SSH1: variants seen among roughly 807,000 people sequenced by gnomAD.
The protein encoded by SSH1 is protein phosphatase Slingshot homolog 1.
A neutral mutation model predicts 79.7 loss-of-function variants in SSH1; 43 were observed. That is an observed-to-expected ratio of 0.54 (90% CI 0.42 to 0.70). The LOEUF (loss-of-function observed/expected upper bound fraction) is 0.70. Among genes scored for constraint, SSH1 ranks in the 30% least tolerant of loss-of-function variants. SSH1 has a pLI of 0.00. For synonymous variants in SSH1, 599 were observed against 538.3 expected (o/e 1.11, Z -1.56); for missense variants, 1,206 against 1,358.8 (o/e 0.89, Z 1.77).
intron 3 of SSH1, among the ~76,000 whole-genome samples, chr12:108,822,337 T>C (rs1300160423): frequency 2.0e-5 from 3 of 152,122 alleles, no homozygotes; most frequent in African/African-American, 2.4e-5. Context: ...TTTCACTGTG[T>C]TGTTCGGGTT....
At position 108,789,091 on chromosome 12, in the gene SSH1, G is replaced by C; in HGVS notation, c.2047C>G (p.Leu683Val). Residue 683 changes from leucine (L) to valine (V), a missense_variant, in exon 15 of 15, where the codon CTA becomes GTA. Physicochemically the swap from Leu to Val is conservative, Grantham distance 32. Around this residue, in one of 5 missense-constraint regions of SSH1, gnomAD observed 709 missense variants for 730.6 expected, o/e 0.97. Coordinates refer to ENST00000326495, the MANE Select transcript of SSH1 (RefSeq NM_018984.4). ...APAICTQPAF[L>V]PHITSSPVAH... Reference sequence around the variant, plus strand: ...ACAGGGGAGGACGTGATGTGGGGTAGGAAGGCTGGCTGGGTGCAGATGGCG... The same window carrying C: ...ACAGGGGAGGACGTGATGTGGGGTACGAAGGCTGGCTGGGTGCAGATGGCG... 1 of 1,613,738 alleles carries C rather than the reference G, an allele frequency of 6.2e-7. No homozygotes were observed. Among genetic ancestry groups the C allele is most frequent in the South Asian group, 1.1e-5 (1 of 91,076 alleles).
intron 2 of SSH1, chr12:108,827,377 C>CCTA (rs2038351966): frequency 6.6e-7 from 1 of 1,525,098 alleles, no homozygotes; most frequent in Non-Finnish European, 8.8e-7. Flanking sequence ...TCTAACGCTC[C>CCTA]CTACAACTGC....
Position 108,811,664 on chromosome 12 carries a change from C to G in SSH1, c.402-336G>C, listed in dbSNP as rs996180754. The stretch of plus-strand genomic sequence containing the variant: ...ACATAGGCAAGCACCGGCAGCCAAG[C>G]CCGGCCTGGCCTGTCCTGGGTGGCG... On this transcript the variant is annotated intron_variant, in intron 5 of 14. Coordinates refer to ENST00000326495, the MANE Select transcript of SSH1 (RefSeq NM_018984.4). 5 of 400,492 alleles carry G rather than the reference C, an allele frequency of 1.2e-5. No homozygotes were observed. In the Admixed American group the frequency reaches 1.4e-4, roughly 12 times the overall value. 24.8% of individuals were successfully genotyped at this position (400,492 alleles called of 1,614,324 possible).
chr12:108,789,842 A>C (rs2036428069), intron 14 of SSH1, among the ~76,000 whole-genome samples: 1 of 152,146 alleles, frequency 6.6e-6, no homozygotes, highest in Admixed American at 6.5e-5. Flanking sequence ...GCAGGAGGGC[A>C]ACAGGGCTCT....
Position 108,780,961 on chromosome 12 carries a change from C to T in SSH1, c.*7027G>A, listed in dbSNP as rs988091602. 6.6e-6 allele frequency: 1 copy of T among 151,870 alleles called. No homozygotes were observed. The highest frequency in any genetic ancestry group is 1.5e-5 in the Non-Finnish European group (1 of 67,984). The allele number at this position is 151,870 out of a possible 1,614,324, so 9.4% of individuals were successfully genotyped here. A position where few individuals can be genotyped will look rare whatever the true frequency, so the allele number is the denominator to read the frequency against. On this transcript the variant is annotated 3_prime_UTR_variant, in exon 15 of 15. Coordinates refer to ENST00000326495, the MANE Select transcript of SSH1 (RefSeq NM_018984.4). ...GCTGAGGCAGGAAAATCACTTGAAC[C>T]CAGGAGGCAGAGGTTGCGGTGAGCT... is the stretch of plus-strand genomic sequence containing the variant.
At chr12:108,856,480 G>A (rs1295543094) in intron 1 of SSH1, among the ~76,000 whole-genome samples, 1 of 152,214 alleles carries the variant, frequency 6.6e-6, no homozygotes, top group Admixed American at 6.5e-5. Flanking sequence ...CACCCAGAAT[G>A]GGTCACAGCC....
At chr12:108,829,976 T>C (rs763165259) in intron 2 of SSH1, among the ~76,000 whole-genome samples, 7 of 152,066 alleles carry the variant, frequency 4.6e-5, no homozygotes, top group Non-Finnish European at 7.4e-5. Flanking sequence ...CTTGGTGGTG[T>C]GTGCCTGTAG....
chr12:108,806,605 G>A (rs896620384), intron 8 of SSH1, among the ~76,000 whole-genome samples: 4 of 152,210 alleles, frequency 2.6e-5, no homozygotes, highest in Non-Finnish European at 5.9e-5. Flanking sequence ...AGAGCAGGGA[G>A]CAGGTCAAGC....
chr12:108,778,760 C>T lies in SSH1; in HGVS notation c.*9228G>A, dbSNP rs1198017021. ...AGGTCTACCACCACCACCACCACCA[C>T]CACCACAATGTACCATTTGTGGGAT... On this transcript the variant is annotated 3_prime_UTR_variant, in exon 15 of 15. Coordinates refer to ENST00000326495, the MANE Select transcript of SSH1 (RefSeq NM_018984.4). The T allele has an allele frequency of 6.5e-6, 1 of 153,568 alleles. No homozygotes were observed. The highest frequency in any genetic ancestry group is 2.4e-5 in the African/African-American group (1 of 41,494). 9.5% of individuals were successfully genotyped at this position (153,568 alleles called of 1,614,324 possible).
chr12:108,836,254 G>GATGCACGTGTGTGTGT (rs2038627685), intron 2 of SSH1, among the ~76,000 whole-genome samples: 1 of 152,014 alleles, frequency 6.6e-6, no homozygotes, highest in Admixed American at 6.6e-5. Context: ...AATAAATATA[G>GATGCACGTGTGTGTGT]ATGCACGTGT....
intron 1 of SSH1, among the ~76,000 whole-genome samples, chr12:108,856,824 GA>G (rs2039153854): frequency 6.6e-6 from 1 of 152,214 alleles, no homozygotes; most frequent in Admixed American, 6.5e-5. Flanking sequence ...ACAGGTCTCA[GA>G]ACCAGCGGCT....
intron 1 of SSH1, among the ~76,000 whole-genome samples, chr12:108,855,406 G>A (rs765267284): frequency 7.2e-5 from 11 of 152,184 alleles, no homozygotes; most frequent in Non-Finnish European, 1.5e-4. Context: ...GGATGAAAAT[G>A]TTCTGGAATT....
intron 14 of SSH1, among the ~76,000 whole-genome samples, chr12:108,791,672 T>A (rs1172898511): frequency 6.6e-6 from 1 of 152,106 alleles, no homozygotes; most frequent in Admixed American, 6.5e-5. Flanking sequence ...GGTAGGAGGA[T>A]CACTTGAGCC....
intron 13 of SSH1, among the ~76,000 whole-genome samples, chr12:108,798,333 G>T (rs1328357412): frequency 6.6e-6 from 1 of 152,226 alleles, no homozygotes; most frequent in African/African-American, 2.4e-5. Context: ...TGACCTCAGT[G>T]TTTTAAAAAG....
intron 14 of SSH1, chr12:108,792,067 T>C: frequency 2.1e-6 from 3 of 1,447,664 alleles, no homozygotes; most frequent in Non-Finnish European, 2.7e-6. Flanking sequence ...CAATTTGCTA[T>C]ATAAGGTATG....
At chr12:108,799,922 T>C (rs746487135) in intron 12 of SSH1, among the ~76,000 whole-genome samples, 19 of 152,348 alleles carry the variant, frequency 1.2e-4, no homozygotes, top group Non-Finnish European at 2.4e-4. Flanking sequence ...GAAACTTTAT[T>C]TGTACAGAAG....
chr12:108,779,657 T>C lies in SSH1; in HGVS notation c.*8331A>G, dbSNP rs777562467. ...AGTTCAAGAAAGTTAGAAAAAGGAC[T>C]CTCCTCTACCTTTTTTTTTCTTTTT... On this transcript the variant is annotated 3_prime_UTR_variant, in exon 15 of 15. Transcript: ENST00000326495. 6.6e-6 allele frequency: 1 copy of C among 151,918 alleles called. No individual in the cohort carries two copies. Among genetic ancestry groups the C allele is most frequent in the Non-Finnish European group, 1.5e-5 (1 of 67,978 alleles). 9.4% of individuals were successfully genotyped at this position (151,918 alleles called of 1,614,324 possible).
intron 2 of SSH1, among the ~76,000 whole-genome samples, chr12:108,825,807 C>A (rs1566005418): frequency 6.6e-6 from 1 of 152,226 alleles, no homozygotes; most frequent in Non-Finnish European, 1.5e-5. Context: ...AGCTCTTTAG[C>A]ATCCATCTGG....
intron 2 of SSH1, among the ~76,000 whole-genome samples, chr12:108,828,488 A>G (rs544027469): frequency 6.6e-6 from 1 of 152,310 alleles, no homozygotes; most frequent in East Asian, 1.9e-4. Flanking sequence ...CCAGGTGCCT[A>G]ATGGCAAAGC....
Sources: gnomAD v4.1 joint callset for allele counts (sites outside exome capture counted in the v4.1 genomes callset) on GRCh38, gnomAD v4.1.1 for gene constraint, gnomAD v4.1.1 regional missense constraint, MANE v1.5 for transcripts, NCBI Gene and HGNC (gene_info 2026-07-23, HGNC 2026-07-21) for gene names.